Variants in TMEM239 observed in about 807,000 individuals in gnomAD.
The protein encoded by TMEM239 is transmembrane protein 239.
TMEM239 carries 10 observed loss-of-function variants against 14.6 expected under a neutral mutation model. That is an observed-to-expected ratio of 0.68 (90% CI 0.42 to 1.16). The LOEUF (loss-of-function observed/expected upper bound fraction) is 1.16, where lower values mean the gene tolerates loss of function less well. Among genes scored for constraint, TMEM239 ranks in the 50% most tolerant of loss-of-function variants. The pLI is 0.00. For synonymous variants in TMEM239, 94 were observed against 89.9 expected, an observed-to-expected ratio of 1.05 and a Z score of -0.26; for missense variants, 183 against 194.4, an observed-to-expected ratio of 0.94 and a Z score of 0.35.
chr20:2,817,287 C>A lies in TMEM239; in HGVS notation c.*274C>A, dbSNP rs2088688507. 5.1e-6 allele frequency: 3 copies of A among 585,314 alleles called. No individual in the cohort carries two copies. In the Admixed American group the frequency reaches 9.1e-5, roughly 18 times the overall value. 36.3% of individuals were successfully genotyped at this position (585,314 alleles called of 1,614,324 possible). ...TGCTTAGCCAGGGGCAGAGCTTGAC[C>A]AAGCCACTGATAGCGCCCATATGGA... On this transcript the variant is annotated 3_prime_UTR_variant, in exon 2 of 2. Transcript: ENST00000380585.
chr20:2,817,328 G>T lies in TMEM239; in HGVS notation c.*315G>T. The T allele has an allele frequency of 2.0e-6, 1 of 507,106 alleles. No homozygotes were observed. Among genetic ancestry groups the T allele is most frequent in the East Asian group, 3.0e-5 (1 of 33,224 alleles). 31.4% of individuals were successfully genotyped at this position (507,106 alleles called of 1,614,324 possible). A position where few individuals can be genotyped will look rare whatever the true frequency, so the allele number is the denominator to read the frequency against. On this transcript the variant is annotated 3_prime_UTR_variant, in exon 2 of 2. Coordinates refer to ENST00000380585, the MANE Select transcript of TMEM239 (RefSeq NM_001167670.3). Reference sequence around the variant, plus strand: ...CCCATATGGATGTGATGATACCCGTGGGGCCCCCTTGGCAACTGACAGCAT... The same window carrying T: ...CCCATATGGATGTGATGATACCCGTTGGGCCCCCTTGGCAACTGACAGCAT...
Position 2,816,593 on chromosome 20 carries a change from G to C in TMEM239, c.39G>C (p.Gly13=), listed in dbSNP as rs1263037849. Residue 13 remains glycine (G), a synonymous_variant, in exon 2 of 2, where the codon GGG becomes GGC. Coordinates refer to ENST00000380585, the MANE Select transcript of TMEM239 (RefSeq NM_001167670.3). ...QQPRVETDTI[G]AGEGPQQAVP... ...CGCGAGTGGAGACAGATACCATCGGGGCTGGCGAGGGGCCACAGCAGGCAG... is the reference window on the plus strand; with the variant it reads ...CGCGAGTGGAGACAGATACCATCGGCGCTGGCGAGGGGCCACAGCAGGCAG... The C allele has an allele frequency of 1.3e-6, 2 of 1,537,118 alleles. No homozygotes were observed. The highest frequency in any genetic ancestry group is 2.7e-5 in the African/African-American group (2 of 72,926).
Position 2,816,397 on chromosome 20 carries a change from C to A in TMEM239, c.-30C>A. The A allele has an allele frequency of 6.5e-7, 1 of 1,535,916 alleles. No homozygotes were observed. The highest frequency in any genetic ancestry group is 8.7e-7 in the Non-Finnish European group (1 of 1,146,836). ...CTGGGCGCTGCAGGAAGCAACATGA[C>A]TTAGGTAACTGCCCAGAGGTAAGTC... On this transcript the variant is annotated 5_prime_UTR_variant, in exon 1 of 2. Coordinates refer to ENST00000380585, the MANE Select transcript of TMEM239 (RefSeq NM_001167670.3).
upstream of TMEM239, chr20:2,815,852 C>T (rs528482692): frequency 1.4e-5 from 18 of 1,296,244 alleles, 1 homozygote; most frequent in South Asian, 2.1e-4. Context: ...TTTCTCCTTC[C>T]TGGCTGGGCA....
downstream of TMEM239, chr20:2,819,060 G>A (rs1183444258): frequency 2.0e-5 from 3 of 152,288 alleles, no homozygotes; most frequent in Non-Finnish European, 4.4e-5. Context: ...TAAAGCCCAG[G>A]CCTAGGGAAG....
upstream of TMEM239, chr20:2,815,799 T>TC: frequency 6.3e-7 from 1 of 1,579,500 alleles, no homozygotes; most frequent in South Asian, 1.1e-5. Flanking sequence ...CAACTCAGTG[T>TC]CCTTCAAATA....
upstream of TMEM239, chr20:2,816,224 T>C: frequency 1.0e-5 from 9 of 903,058 alleles, no homozygotes; most frequent in Non-Finnish European, 1.5e-5. Context: ...GCCTGGAGGG[T>C]CCGTGCAGAG....
At position 2,817,323 on chromosome 20, in the gene TMEM239, C is replaced by CG; in HGVS notation, c.*310_*311insG. Reference sequence around the variant, plus strand: ...TAGCGCCCATATGGATGTGATGATACCCGTGGGGCCCCCTTGGCAACTGAC... The same window carrying CG: ...TAGCGCCCATATGGATGTGATGATACGCCGTGGGGCCCCCTTGGCAACTGAC... On this transcript the variant is annotated 3_prime_UTR_variant, in exon 2 of 2. Transcript: ENST00000380585. 1.9e-6 allele frequency: 1 copy of CG among 514,046 alleles called. No individual in the cohort carries two copies. Among genetic ancestry groups the CG allele is most frequent in the Non-Finnish European group, 3.4e-6 (1 of 292,346 alleles). The allele number at this position is 514,046 out of a possible 1,614,324, so 31.8% of individuals were successfully genotyped here. A position where few individuals can be genotyped will look rare whatever the true frequency, so the allele number is the denominator to read the frequency against.
At position 2,816,790 on chromosome 20, in the gene TMEM239, A is replaced by G; in HGVS notation, c.236A>G (p.His79Arg). ...LYLLLALMLC[H>R]ALFTTGSHLL... ...CTGCTGCTGGCACTGATGTTGTGCC[A>G]TGCACTCTTCACCACTGGCTCCCAC... is the stretch of plus-strand genomic sequence containing the variant. Residue 79 changes from histidine (H) to arginine (R), a missense_variant, in exon 2 of 2, where the codon CAT (histidine) becomes CGT (arginine). Physicochemically the swap from His to Arg is conservative, Grantham distance 29 (BLOSUM62 0). Coordinates refer to ENST00000380585, the MANE Select transcript of TMEM239 (RefSeq NM_001167670.3). 5 of 1,551,174 alleles carry G rather than the reference A, an allele frequency of 3.2e-6. No individual in the cohort carries two copies. The highest frequency in any genetic ancestry group is 4.4e-6 in the Non-Finnish European group (5 of 1,146,978).
downstream of TMEM239, chr20:2,818,279 T>C (rs1267485923): frequency 6.6e-6 from 1 of 152,196 alleles, no homozygotes; most frequent in Non-Finnish European, 1.5e-5. Flanking sequence ...CAACAAAACA[T>C]TGAGTGATCG....
intron 1 of TMEM239, 56 bp downstream of exon 1, chr20:2,816,471 G>C: frequency 1.3e-6 from 2 of 1,524,494 alleles, no homozygotes; most frequent in South Asian, 1.2e-5. Context: ...GTGCCCTCCT[G>C]ACCCCTGCAC....
chr20:2,818,794 C>T (rs916169169), downstream of TMEM239: 3 of 152,264 alleles, frequency 2.0e-5, no homozygotes, highest in African/African-American at 7.2e-5. Context: ...AAAACTAAGG[C>T]AAGAACCCCT....
At chr20:2,816,309 G>T, upstream of TMEM239, 1 of 1,533,668 alleles carries the variant, frequency 6.5e-7, no homozygotes. Flanking sequence ...GTCACAAAGG[G>T]GCTCCTCTGG....
chr20:2,818,950 T>G (rs2088702558), downstream of TMEM239: 1 of 152,176 alleles, frequency 6.6e-6, no homozygotes, highest in African/African-American at 2.4e-5. Flanking sequence ...GCCATCTGAG[T>G]CCTACCAGGC....
At position 2,816,989 on chromosome 20, in the gene TMEM239, C is replaced by G. The variant is rs142404083; in HGVS notation, c.435C>G (p.Gly145=). ...VGLLTSMTHP[G]DTQDLDQ The stretch of plus-strand genomic sequence containing the variant: ...TCCTCACCTCCATGACTCACCCAGG[C>G]GACACTCAGGATTTGGATCAATAGA... Residue 145 remains glycine, a synonymous_variant, in exon 2 of 2, where the codon GGC becomes GGG. Transcript: ENST00000380585. 2 of 1,537,856 alleles carry G rather than the reference C, an allele frequency of 1.3e-6. No homozygotes were observed. Among genetic ancestry groups the G allele is most frequent in the African/African-American group, 1.4e-5 (1 of 73,056 alleles).
At chr20:2,819,641 A>G (rs955800272), downstream of TMEM239, 1 of 146,506 alleles carries the variant, frequency 6.8e-6, no homozygotes, top group Non-Finnish European at 1.5e-5. Context: ...GCAGTGGTGC[A>G]ATCTCGGCTC....
chr20:2,816,252 A>C (rs573188826), upstream of TMEM239: 15 of 1,295,578 alleles, frequency 1.2e-5, no homozygotes, highest in African/African-American at 1.6e-4. Context: ...GGTGGGCCTC[A>C]CACCCTACAG....
rs1346429034 is a variant in TMEM239, at chr20:2,816,895, C to T, written c.341C>T (p.Ala114Val). The T allele has an allele frequency of 1.3e-6, 2 of 1,542,102 alleles. No individual in the cohort carries two copies. The highest frequency in any genetic ancestry group is 1.4e-5 in the African/African-American group (1 of 73,048). ...LPALLLLVLS[A>V]LPALLFTASF... ...GCTCTCCTGCTGCTGGTGCTCAGTG[C>T]TCTGCCTGCCCTCCTCTTCACGGCC... The change falls in exon 2 of 2, where the codon GCT becomes GTT. Residue 114 changes from alanine to valine, a missense_variant. Coordinates refer to ENST00000380585, the MANE Select transcript of TMEM239 (RefSeq NM_001167670.3).
rs1480658300 is a variant in TMEM239 at position 2,817,015 on chromosome 20, A to C, written c.*2A>C. ...GACACTCAGGATTTGGATCAATAGAAGGGCAACCCCATCCCACTGCCTGTG... is the reference window on the plus strand; with the variant it reads ...GACACTCAGGATTTGGATCAATAGACGGGCAACCCCATCCCACTGCCTGTG... On this transcript the variant is annotated 3_prime_UTR_variant, in exon 2 of 2. Transcript: ENST00000380585. 1 of 1,537,892 alleles carries C rather than the reference A, an allele frequency of 6.5e-7. No homozygotes were observed. Among genetic ancestry groups the C allele is most frequent in the East Asian group, 2.4e-5 (1 of 40,904 alleles).
Sources: allele counts gnomAD v4.1 joint callset, GRCh38; gene constraint gnomAD v4.1.1; transcripts MANE v1.5; gene names NCBI Gene and HGNC (gene_info 2026-07-23, HGNC 2026-07-21).